RANBP2: variants seen among roughly 807,000 people sequenced by gnomAD.
RANBP2 encodes E3 SUMO-protein ligase RanBP2.
Under a neutral mutation model 303.6 loss-of-function variants are expected in RANBP2, and 57 were observed. That is an observed-to-expected ratio of 0.19 (90% CI 0.15 to 0.23). The LOEUF is 0.23. Among genes scored for constraint, RANBP2 ranks in the 10% least tolerant of loss-of-function variants. The pLI is 1.00. For synonymous variants in RANBP2, 1,167 were observed against 1,301.5 expected, an observed-to-expected ratio of 0.90 and a Z score of 2.23; for missense variants, 3,138 against 3,780.8, an observed-to-expected ratio of 0.83 and a Z score of 4.46.
the RANBP2 span, among the ~76,000 whole-genome samples, chr2:109,194,806 AG>A: frequency 6.6e-6 from 1 of 152,256 alleles, no homozygotes; most frequent in Non-Finnish European, 1.5e-5. Context: ...CAAAATTCAC[AG>A]GACGAAAAGA....
At chr2:109,605,688 T>C in the RANBP2 span, 1 of 152,098 alleles carries the variant, frequency 6.6e-6, no homozygotes, top group Admixed American at 6.5e-5. Context: ...CAAAACAAAA[T>C]TATTTTCTCC....
chr2:109,676,056 G>A, the RANBP2 span, among the ~76,000 whole-genome samples: 1 of 152,254 alleles, frequency 6.6e-6, no homozygotes, highest in East Asian at 1.9e-4. Flanking sequence ...GGCATGCAAG[G>A]TGGCTCCTTG....
the RANBP2 span, among the ~76,000 whole-genome samples, chr2:108,995,612 C>A: frequency 0.035 from 5,326 of 152,308 alleles, 310 homozygotes; most frequent in African/African-American, 0.12. Flanking sequence ...TCTCCCAGCT[C>A]TGCTCAGAGC....
At chr2:109,548,241 T>TA in the RANBP2 span, among the ~76,000 whole-genome samples, 2 of 152,076 alleles carry the variant, frequency 1.3e-5, no homozygotes, top group African/African-American at 4.8e-5. Flanking sequence ...CTGTGCCCTC[T>TA]AACAACACAA....
the RANBP2 span, among the ~76,000 whole-genome samples, chr2:108,996,405 G>A: frequency 6.6e-6 from 1 of 152,212 alleles, no homozygotes; most frequent in Non-Finnish European, 1.5e-5. Context: ...AAGGTGGCTG[G>A]TAATGTCCAA....
the RANBP2 span, among the ~76,000 whole-genome samples, chr2:109,215,313 C>T: frequency 6.6e-6 from 1 of 152,138 alleles, no homozygotes; most frequent in Non-Finnish European, 1.5e-5. Flanking sequence ...CTTCATTATA[C>T]AATTGTTTTG....
At chr2:109,360,062 CCAA>C in the RANBP2 span, among the ~76,000 whole-genome samples, 1 of 102,576 alleles carries the variant, frequency 9.7e-6, no homozygotes. Context: ...TTTCCTTGCA[CCAA>C]AAAAAAAAAA....
the RANBP2 span, among the ~76,000 whole-genome samples, chr2:109,485,878 C>T: frequency 6.6e-6 from 1 of 152,274 alleles, no homozygotes; most frequent in Non-Finnish European, 1.5e-5. Flanking sequence ...TCGCAAGCCT[C>T]CAGTCCCTGG....
chr2:109,149,427 C>T, the RANBP2 span, among the ~76,000 whole-genome samples: 1 of 152,222 alleles, frequency 6.6e-6, no homozygotes, highest in African/African-American at 2.4e-5. Context: ...GTCATTTGCA[C>T]TTCTAAACCT....
At chr2:109,570,367 C>T in the RANBP2 span, among the ~76,000 whole-genome samples, 1 of 152,064 alleles carries the variant, frequency 6.6e-6, no homozygotes, top group East Asian at 1.9e-4. Flanking sequence ...TTTACAGTTG[C>T]CCCCCTCATC....
chr2:109,369,986 A>T, the RANBP2 span, among the ~76,000 whole-genome samples: 1 of 152,200 alleles, frequency 6.6e-6, no homozygotes, highest in South Asian at 2.1e-4. Context: ...TCTCTTGGCC[A>T]TCTCCTCCTT....
At chr2:109,668,058 A>G in the RANBP2 span, 23 of 155,684 alleles carry the variant, frequency 1.5e-4, 1 homozygote, top group East Asian at 4.4e-3. Flanking sequence ...ATGATTTCAA[A>G]CACCACGGTG....
chr2:108,786,678 C>T (rs912818072), downstream of RANBP2: 4 of 714,750 alleles, frequency 5.6e-6, no homozygotes, highest in South Asian at 1.7e-5. Flanking sequence ...CTGCAGTCTC[C>T]GGGTCGCCCC....
chr2:109,479,714 TAGAA>T, the RANBP2 span, among the ~76,000 whole-genome samples: 6 of 152,174 alleles, frequency 3.9e-5, no homozygotes, highest in African/African-American at 1.4e-4. Context: ...TTCTTAATGT[TAGAA>T]AGGAGGGAAT....
At chr2:109,584,630 A>T in the RANBP2 span, among the ~76,000 whole-genome samples, 3 of 152,170 alleles carry the variant, frequency 2.0e-5, no homozygotes, top group Non-Finnish European at 4.4e-5. Context: ...GAGAAATATT[A>T]AAACAAATAG....
chr2:109,305,331 C>T, the RANBP2 span, among the ~76,000 whole-genome samples: 1 of 152,104 alleles, frequency 6.6e-6, no homozygotes, highest in Non-Finnish European at 1.5e-5. Flanking sequence ...TGAAGCGCCT[C>T]TTCTGTGGTT....
the RANBP2 span, among the ~76,000 whole-genome samples, chr2:109,702,145 C>T: frequency 5.9e-5 from 9 of 152,200 alleles, no homozygotes; most frequent in African/African-American, 1.9e-4. Context: ...AGCAGCCCCA[C>T]GTGAGTGTGA....
the RANBP2 span, among the ~76,000 whole-genome samples, chr2:109,365,373 A>G: frequency 6.6e-6 from 1 of 152,222 alleles, no homozygotes; most frequent in African/African-American, 2.4e-5. Context: ...CTAGCCGAGC[A>G]CTGCTTCCCA....
chr2:109,343,928 G>T, the RANBP2 span, among the ~76,000 whole-genome samples: 1 of 152,040 alleles, frequency 6.6e-6, no homozygotes, highest in Admixed American at 6.6e-5. Context: ...ATTATTTTTA[G>T]AGATAGGGTC....
Sources: gnomAD v4.1 joint callset for allele counts (sites outside exome capture counted in the v4.1 genomes callset) on GRCh38, gnomAD v4.1.1 for gene constraint, MANE v1.5 for transcripts, NCBI Gene and HGNC (gene_info 2026-07-23, HGNC 2026-07-21) for gene names.